Variants in RALY observed in about 807,000 individuals in gnomAD.
RALY encodes the protein RNA-binding protein Raly.
Under a neutral mutation model 30.7 loss-of-function variants are expected in RALY, and 15 were observed. The ratio of observed to expected loss-of-function variants is 0.49; its 90% CI spans 0.33 to 0.75. The LOEUF (loss-of-function observed/expected upper bound fraction) is 0.75. Among genes scored for constraint, RALY ranks in the 30% least tolerant of loss-of-function variants. RALY has a pLI of 0.02. For synonymous variants in RALY, 177 were observed against 170.8 expected (o/e 1.04, Z -0.28); for missense variants, 339 against 414.3 (o/e 0.82, Z 1.58).
At chr20:34,022,639 C>A (rs950620244) in intron 1 of RALY, among the ~76,000 whole-genome samples, 2 of 152,154 alleles carry the variant, frequency 1.3e-5, no homozygotes, top group African/African-American at 2.4e-5. Context: ...GCCTCCTATG[C>A]CTCACTTCCT....
At chr20:34,075,851 C>T (rs770606605) in intron 5 of RALY, 23 bp from the exon 6 acceptor site, 24 of 1,605,896 alleles carry the variant, frequency 1.5e-5, no homozygotes, top group Non-Finnish European at 2.0e-5. Flanking sequence ...ATGCTGCAGC[C>T]TCTGGCCCAT....
intron 1 of RALY, among the ~76,000 whole-genome samples, chr20:34,019,324 C>T (rs2031727579): frequency 6.6e-6 from 1 of 151,344 alleles, no homozygotes; most frequent in Admixed American, 6.6e-5. Context: ...GAGACTCTGT[C>T]TCAAAAGAAA....
At chr20:34,013,190 A>G (rs2031476722) in intron 1 of RALY, among the ~76,000 whole-genome samples, 1 of 151,880 alleles carries the variant, frequency 6.6e-6, no homozygotes, top group Non-Finnish European at 1.5e-5. Flanking sequence ...TATTAAATGC[A>G]TTTTCCCAGC....
At chr20:34,036,510 A>G (rs1299664381) in intron 2 of RALY, among the ~76,000 whole-genome samples, 1 of 152,140 alleles carries the variant, frequency 6.6e-6, no homozygotes, top group Non-Finnish European at 1.5e-5. Context: ...TAGTTTTCTT[A>G]GGTCTTTATC....
intron 3 of RALY, among the ~76,000 whole-genome samples, chr20:34,072,643 C>A (rs887576146): frequency 2.0e-5 from 3 of 152,124 alleles, no homozygotes; most frequent in Non-Finnish European, 4.4e-5. Flanking sequence ...CCTGTTACAC[C>A]GGGTACAGAT....
intron 1 of RALY, among the ~76,000 whole-genome samples, chr20:34,009,626 G>A (rs1016132035): frequency 1.1e-4 from 16 of 152,276 alleles, no homozygotes; most frequent in African/African-American, 2.9e-4. Context: ...ACATGGCTTG[G>A]ATCTTTGGGC....
chr20:34,010,979 C>G (rs1217456496), intron 1 of RALY, among the ~76,000 whole-genome samples: 2 of 137,236 alleles, frequency 1.5e-5, no homozygotes, highest in East Asian at 4.4e-4. Context: ...TGAGTGTTTT[C>G]CCAGAGCCTG....
intron 2 of RALY, among the ~76,000 whole-genome samples, chr20:34,067,284 C>T (rs1372308760): frequency 6.6e-6 from 1 of 152,096 alleles, no homozygotes; most frequent in Non-Finnish European, 1.5e-5. Flanking sequence ...CTGCCTCAGC[C>T]TCCCAAGTAG....
intron 1 of RALY, among the ~76,000 whole-genome samples, chr20:33,996,159 C>T (rs530598493): frequency 2.6e-5 from 4 of 152,194 alleles, no homozygotes; most frequent in African/African-American, 9.6e-5. Flanking sequence ...TCTTTTTTTA[C>T]TGTGAGGGAA....
intron 2 of RALY, among the ~76,000 whole-genome samples, chr20:34,036,294 C>T (rs2032494692): frequency 6.6e-6 from 1 of 152,108 alleles, no homozygotes; most frequent in African/African-American, 2.4e-5. Flanking sequence ...CCCTTTTATT[C>T]CTAGTTTATT....
intron 1 of RALY, among the ~76,000 whole-genome samples, chr20:33,999,277 G>A (rs1386965947): frequency 6.6e-6 from 1 of 152,138 alleles, no homozygotes; most frequent in African/African-American, 2.4e-5. Flanking sequence ...TGAGGACACA[G>A]GAGAAGAAGG....
Position 34,032,513 on chromosome 20 carries a change from G to C in RALY, c.-10+909G>C, listed in dbSNP as rs563525046. On this transcript the variant is annotated intron_variant, in intron 2 of 9. Coordinates refer to ENST00000246194, the MANE Select transcript of RALY (RefSeq NM_016732.3). Reference sequence around the variant, plus strand: ...GACAAAATCCCTTTTTGTGTGTTGGGGGGGGTTTTATTTTTGTTTTTGGGA... The same window carrying C: ...GACAAAATCCCTTTTTGTGTGTTGGCGGGGGTTTTATTTTTGTTTTTGGGA... Among the ~76,000 whole-genome samples the C allele has an allele frequency of 3.5e-3, 527 of 152,074 alleles. 2 individuals are homozygous for C. The highest frequency in any genetic ancestry group is 0.017 in the Middle Eastern group (5 of 294).
intron 1 of RALY, among the ~76,000 whole-genome samples, chr20:34,027,831 C>G (rs2032101021): frequency 6.6e-6 from 1 of 152,228 alleles, no homozygotes; most frequent in African/African-American, 2.4e-5. Context: ...CTAACTCTGC[C>G]CTTTTCCTCA....
intron 1 of RALY, among the ~76,000 whole-genome samples, chr20:34,025,665 T>A (rs1028156124): frequency 6.6e-6 from 1 of 151,752 alleles, no homozygotes. Context: ...ACAACAAGAG[T>A]TCTGTAGGGA....
chr20:34,053,433 T>G (rs2033145532), intron 2 of RALY, among the ~76,000 whole-genome samples: 1 of 135,068 alleles, frequency 7.4e-6, no homozygotes. Context: ...GGCCTCGCTG[T>G]GTCACCCAGG....
chr20:33,995,728 G>A (rs2030587189), intron 1 of RALY, among the ~76,000 whole-genome samples: 1 of 152,188 alleles, frequency 6.6e-6, no homozygotes, highest in Non-Finnish European at 1.5e-5. Flanking sequence ...TTTCATATCT[G>A]CCTTTCCCCG....
chr20:34,059,927 C>G (rs1477004824), intron 2 of RALY, among the ~76,000 whole-genome samples: 1 of 152,182 alleles, frequency 6.6e-6, no homozygotes, highest in African/African-American at 2.4e-5. Flanking sequence ...TTGGTGGGAA[C>G]CTTTGCTTAG....
At chr20:34,045,684 T>A (rs979255578) in intron 2 of RALY, among the ~76,000 whole-genome samples, 3 of 152,202 alleles carry the variant, frequency 2.0e-5, no homozygotes, top group Non-Finnish European at 4.4e-5. Context: ...AATACCTTCA[T>A]TTTCTTCTCC....
At chr20:34,061,787 C>T (rs1042789370) in intron 2 of RALY, among the ~76,000 whole-genome samples, 1 of 152,122 alleles carries the variant, frequency 6.6e-6, no homozygotes, top group African/African-American at 2.4e-5. Flanking sequence ...ATAGGACTTG[C>T]CAGAGGTCAA....
Sources: gnomAD v4.1 joint callset for allele counts (sites outside exome capture counted in the v4.1 genomes callset) on GRCh38, gnomAD v4.1.1 for gene constraint, MANE v1.5 for transcripts, NCBI Gene and HGNC (gene_info 2026-07-23, HGNC 2026-07-21) for gene names.